Variants in PC observed in about 807,000 individuals in gnomAD.
The protein encoded by PC is pyruvate carboxylase, mitochondrial.
PC carries 46 observed loss-of-function variants against 107.8 expected under a neutral mutation model. The observed-to-expected ratio is 0.43, with a 90% CI of 0.34 to 0.55. The LOEUF (loss-of-function observed/expected upper bound fraction) is 0.55. Among genes scored for constraint, PC ranks in the 20% least tolerant of loss-of-function variants. The pLI is 0.04. For synonymous variants in PC, 662 were observed against 684.7 expected (o/e 0.97, Z 0.52); for missense variants, 1,241 against 1,643.1 (o/e 0.76, Z 4.23).
rs142860380 is a variant in PC, at chr11:66,892,416, G to A, written c.1-20257C>T. On this transcript the variant is annotated intron_variant, in intron 3 of 22. Transcript: ENST00000393960. ...CACGTTCCAGAACGCACAACCAAAA[G>A]GGCAAAGCAACAGTCCAGGCAGGTC... is the stretch of plus-strand genomic sequence containing the variant. Among the ~76,000 whole-genome samples, 337 of 152,284 alleles carry A rather than the reference G, an allele frequency of 2.2e-3. 1 individual carries two copies. The highest frequency in any genetic ancestry group is 7.7e-3 in the African/African-American group (318 of 41,552).
In PC at chr11:66,878,971, C is replaced by A. The variant is rs564381737; in HGVS notation, c.1-6812G>T. On this transcript the variant is annotated intron_variant, in intron 3 of 22. Transcript: ENST00000393960. ...CATCTGTAAAACGGGGTTCCACCAG[C>A]CCACCCTAAGCAGGTCATCCTGGGG... is the stretch of plus-strand genomic sequence containing the variant. 1.4e-4 allele frequency among the ~76,000 whole-genome samples: 21 copies of A among 152,340 alleles called. 1 individual carries two copies. The South Asian group carries it at 4.3e-3, about 32-fold the overall frequency.
chr11:66,939,677 G>T (rs1949076280), intron 3 of PC, among the ~76,000 whole-genome samples: 2 of 151,966 alleles, frequency 1.3e-5, no homozygotes, highest in African/African-American at 4.8e-5. Flanking sequence ...GGTGGCGCAT[G>T]CCTGTAATCC....
chr11:66,853,196 C>CGGAGG (rs373326379), intron 13 of PC, 43 bp downstream of exon 13: 45 of 1,581,776 alleles, frequency 2.8e-5, no homozygotes, highest in Middle Eastern at 1.8e-4. Context: ...GATTGGAGAG[C>CGGAGG]GGAGGGGAGG....
intron 3 of PC, among the ~76,000 whole-genome samples, chr11:66,939,206 T>C (rs749807391): frequency 3.3e-5 from 5 of 152,078 alleles, no homozygotes; most frequent in East Asian, 3.8e-4. Flanking sequence ...TAAAAAATAA[T>C]ACAAATAAAA....
At chr11:66,875,843 C>T (rs961816608) in intron 3 of PC, among the ~76,000 whole-genome samples, 6 of 152,206 alleles carry the variant, frequency 3.9e-5, no homozygotes, top group East Asian at 1.9e-4. Context: ...AGAAACCTGG[C>T]GGACACCACG....
chr11:66,871,330 T>G lies in PC; in HGVS notation c.472A>C (p.Ile158Leu). The G allele has an allele frequency of 6.2e-7, 1 of 1,613,962 alleles. No homozygotes were observed. The highest frequency in any genetic ancestry group is 8.5e-7 in the Non-Finnish European group (1 of 1,180,014). ...TTATATTCACCCGCAGCAATGGCGA[T>G]GGCCCGGGCCTCCACCTTGTCTCCC... is the stretch of plus-strand genomic sequence containing the variant. ...KMGDKVEARA[I>L]AIAAGVPVVP... Residue 158 changes from isoleucine (I) to leucine (L), a missense_variant, in exon 6 of 23, where the codon ATC (isoleucine) becomes CTC (leucine). Physicochemically the swap from Ile to Leu is conservative, Grantham distance 5. Coordinates refer to ENST00000393960, the MANE Select transcript of PC (RefSeq NM_001040716.2). This position sits in a 1 kb window ranked among gnomAD's most constrained non-coding sequence, Gnocchi z 7.4.
intron 2 of PC, among the ~76,000 whole-genome samples, chr11:66,953,785 G>A (rs1044934817): frequency 1.3e-5 from 2 of 152,180 alleles, no homozygotes; most frequent in Non-Finnish European, 2.9e-5. Context: ...GGGATGGCAC[G>A]TGAGAGGGAC....
rs1310544009 is a variant in PC at position 66,852,426 on chromosome 11, C to G, written c.1825+13G>C. 1.2e-6 allele frequency: 2 copies of G among 1,608,572 alleles called. No individual in the cohort carries two copies. The highest frequency in any genetic ancestry group is 1.7e-6 in the Non-Finnish European group (2 of 1,175,206). On this transcript the variant is annotated intron_variant, in intron 15 of 22. Transcript: ENST00000393960. This position sits in a 1 kb window ranked among gnomAD's most constrained non-coding sequence, Gnocchi z 4.7. ...CCCATTCCTACCAGGCGCTGCGCAGCATGCCAGCCTACCTCCCCAGTTCTC... is the reference window on the plus strand; with the variant it reads ...CCCATTCCTACCAGGCGCTGCGCAGGATGCCAGCCTACCTCCCCAGTTCTC...
intron 3 of PC, among the ~76,000 whole-genome samples, chr11:66,898,919 G>A (rs536906163): frequency 1.1e-4 from 16 of 152,180 alleles, no homozygotes; most frequent in African/African-American, 3.9e-4. Context: ...GCCCGGGCTG[G>A]AGTGCTATGG....
At chr11:66,904,097 G>A (rs1265835544) in intron 3 of PC, among the ~76,000 whole-genome samples, 2 of 152,040 alleles carry the variant, frequency 1.3e-5, no homozygotes, top group Non-Finnish European at 2.9e-5. Context: ...TCGCCTGGTA[G>A]GTAGGACAAG....
chr11:66,868,989 G>A (rs746323160), intron 9 of PC, 25 bp from the exon 10 acceptor site: 5 of 1,570,118 alleles, frequency 3.2e-6, no homozygotes, highest in Middle Eastern at 1.7e-4. Context: ...ACGTGAGCAG[G>A]GGAGGGCACA....
At chr11:66,923,977 T>C (rs1399452150) in intron 3 of PC, among the ~76,000 whole-genome samples, 1 of 148,568 alleles carries the variant, frequency 6.7e-6, no homozygotes, top group Non-Finnish European at 1.5e-5. Context: ...CTAGGGCCAG[T>C]GGATCACATG....
intron 3 of PC, among the ~76,000 whole-genome samples, chr11:66,925,369 A>AG (rs1475249846): frequency 6.6e-6 from 1 of 152,146 alleles, no homozygotes; most frequent in Non-Finnish European, 1.5e-5. Flanking sequence ...GCCATTTCAG[A>AG]GGCCTACCCT....
chr11:66,871,431 C>T lies in PC; in HGVS notation c.371G>A (p.Arg124Gln), dbSNP rs764225500. ...VHPGYGFLSE[R>Q]ADFAQACQDA... is the part of the protein sequence containing the mutation. ...CTGGCAGGCCTGGGCGAAGTCCGCT[C>T]GCTCAGAGAGGAACCCGTAGCCAGG... is the stretch of plus-strand genomic sequence containing the variant. Residue 124 changes from arginine to glutamine, a missense_variant, in exon 6 of 23, where the codon CGA (arginine) becomes CAA (glutamine). By Grantham distance (43) the Arg-to-Gln change is conservative. Coordinates refer to ENST00000393960, the MANE Select transcript of PC (RefSeq NM_001040716.2). This position sits in a 1 kb window ranked among gnomAD's most constrained non-coding sequence, Gnocchi z 7.4. The T allele has an allele frequency of 8.7e-6, 14 of 1,613,410 alleles. No homozygotes were observed. Among genetic ancestry groups the T allele is most frequent in the East Asian group, 4.5e-5 (2 of 44,896 alleles).
chr11:66,897,553 CAG>C (rs1166942672), intron 3 of PC, among the ~76,000 whole-genome samples: 1 of 152,176 alleles, frequency 6.6e-6, no homozygotes, highest in Non-Finnish European at 1.5e-5. Context: ...GCCTGGGCGA[CAG>C]AGAGAGACCT....
At chr11:66,910,873 T>C (rs1030500066) in intron 3 of PC, among the ~76,000 whole-genome samples, 13 of 152,180 alleles carry the variant, frequency 8.5e-5, no homozygotes, top group Non-Finnish European at 1.9e-4. Flanking sequence ...ATAAACCCAC[T>C]GTTGTCCCCT....
At chr11:66,916,298 C>G (rs1401788181) in intron 3 of PC, among the ~76,000 whole-genome samples, 1 of 152,156 alleles carries the variant, frequency 6.6e-6, no homozygotes, top group African/African-American at 2.4e-5. Flanking sequence ...GTTGCCCAGG[C>G]TGGTCTTCAC....
At chr11:66,937,595 G>A (rs1027747736) in intron 3 of PC, among the ~76,000 whole-genome samples, 1 of 151,886 alleles carries the variant, frequency 6.6e-6, no homozygotes, top group Admixed American at 6.6e-5. Flanking sequence ...GTGTGACGGT[G>A]CACCATGGGT....
At chr11:66,904,548 GAATCACCTGAGCCTGGGAGGTCA>G (rs1948094873) in intron 3 of PC, among the ~76,000 whole-genome samples, 1 of 152,238 alleles carries the variant, frequency 6.6e-6, no homozygotes, top group South Asian at 2.1e-4. Context: ...TGAGGTGGGA[GAATCACCTGAGCCTGGGAGGTCA>G]AGGCTGCAGT....
Sources: allele counts gnomAD v4.1 joint callset (sites outside exome capture counted in the v4.1 genomes callset), GRCh38; gene constraint gnomAD v4.1.1; non-coding constraint Gnocchi (gnomAD v3.1); transcripts MANE v1.5; gene names NCBI Gene and HGNC (gene_info 2026-07-23, HGNC 2026-07-21).